The following KLRD1 variants were observed in gnomAD, a reference collection of about 807,000 sequenced individuals.
KLRD1 encodes the protein natural killer cells antigen CD94.
KLRD1 carries 21 observed loss-of-function variants against 22.6 expected under a neutral mutation model. The observed-to-expected ratio is 0.93, with a 90% CI of 0.66 to 1.34. KLRD1 has a LOEUF of 1.34. KLRD1 is among the 40% of genes most tolerant of loss of function. The probability of loss-of-function intolerance (pLI) is 0.00; values close to 1 mark genes in which losing one functional copy is unlikely to be tolerated. For missense variants in KLRD1, 183 were observed against 208.6 expected, an observed-to-expected ratio of 0.88 and a Z score of 0.76; for synonymous variants, 59 against 71.1, an observed-to-expected ratio of 0.83 and a Z score of 0.85.
At chr12:10,303,582 C>A (rs1420970825), upstream of KLRD1, among the ~76,000 whole-genome samples, 3 of 152,076 alleles carry the variant, frequency 2.0e-5, no homozygotes, top group Admixed American at 6.5e-5. Context: ...TACAAAAGGG[C>A]AGCTTTTCAC....
chr12:10,252,553 A>T (rs1429061503), intron 1 of KLRD1, among the ~76,000 whole-genome samples: 1 of 152,114 alleles, frequency 6.6e-6, no homozygotes, highest in Non-Finnish European at 1.5e-5. Flanking sequence ...AGTTATAAGA[A>T]GTTAGTTCTT....
At chr12:10,254,517 A>G (rs915465819) in intron 1 of KLRD1, among the ~76,000 whole-genome samples, 2 of 151,894 alleles carry the variant, frequency 1.3e-5, no homozygotes, top group African/African-American at 4.8e-5. Context: ...TATGCACCTG[A>G]CAAAGGACTA....
rs1303242361 is a variant in KLRD1 at position 10,329,440 on chromosome 12, A to G, written c.*14647A>G. The G allele has an allele frequency of 6.6e-6, 1 of 152,224 alleles. No individual in the cohort carries two copies. The highest frequency in any genetic ancestry group is 1.5e-5 in the Non-Finnish European group (1 of 68,032). 9.4% of individuals were successfully genotyped at this position (152,224 alleles called of 1,614,324 possible). A position where few individuals can be genotyped will look rare whatever the true frequency, so the allele number is the denominator to read the frequency against. On this transcript the variant is annotated 3_prime_UTR_variant, in exon 6 of 6. Coordinates refer to ENST00000336164, the MANE Select transcript of KLRD1 (RefSeq NM_002262.5). Reference sequence around the variant, plus strand: ...CCTAACATATGATCTATCCTGCAGAATGATCCATGTGCACTTGAGAAGAAT... The same window carrying G: ...CCTAACATATGATCTATCCTGCAGAGTGATCCATGTGCACTTGAGAAGAAT...
rs951095784 is a variant in KLRD1, at chr12:10,323,643, G to A, written c.*8850G>A. 6.6e-6 allele frequency: 1 copy of A among 151,814 alleles called. No individual in the cohort carries two copies. The highest frequency in any genetic ancestry group is 2.4e-5 in the African/African-American group (1 of 41,360). The allele number at this position is 151,814 out of a possible 1,614,324, so 9.4% of individuals were successfully genotyped here. A position where few individuals can be genotyped will look rare whatever the true frequency, so the allele number is the denominator to read the frequency against. ...TATAAAACACCTACTAACCTCAAAA[G>A]TATCCTTTCCCCTATGTATAAAATA... On this transcript the variant is annotated 3_prime_UTR_variant, in exon 6 of 6. Coordinates refer to ENST00000336164, the MANE Select transcript of KLRD1 (RefSeq NM_002262.5).
intron 1 of KLRD1, among the ~76,000 whole-genome samples, chr12:10,260,638 T>TA (rs1949444116): frequency 3.0e-5 from 1 of 33,438 alleles, no homozygotes; most frequent in Admixed American, 4.9e-4. Flanking sequence ...CCGTCTCTAC[T>TA]AAAAATACAA....
rs1446987397 is a variant in KLRD1, at chr12:10,324,273, T to G, written c.*9480T>G. The G allele has an allele frequency of 6.6e-6, 1 of 152,210 alleles. No individual in the cohort carries two copies. The highest frequency in any genetic ancestry group is 6.6e-5 in the Admixed American group (1 of 15,262). The allele number at this position is 152,210 out of a possible 1,614,324, so 9.4% of individuals were successfully genotyped here. On this transcript the variant is annotated 3_prime_UTR_variant, in exon 6 of 6. Transcript: ENST00000336164. ...TTTCGTTTTAGGTTCAGGGTATATA[T>G]GTAGGCTTCTTATATGAGTACATTG... is the stretch of plus-strand genomic sequence containing the variant.
chr12:10,254,448 A>C (rs1949374861), intron 1 of KLRD1, among the ~76,000 whole-genome samples: 1 of 151,382 alleles, frequency 6.6e-6, no homozygotes, highest in African/African-American at 2.4e-5. Context: ...AAAAAAAAAA[A>C]AAAACCTATC....
Position 10,328,255 on chromosome 12 carries a change from T to G in KLRD1, c.*13462T>G, listed in dbSNP as rs1334746361. On this transcript the variant is annotated 3_prime_UTR_variant, in exon 6 of 6. Transcript: ENST00000336164. ...GGCCATTAATTTCTCCTTAAATATT[T>G]GGTGGCTTCACCAGAAGAGCCATCT... 1.3e-5 allele frequency: 2 copies of G among 152,168 alleles called. No individual in the cohort carries two copies. The highest frequency in any genetic ancestry group is 2.9e-5 in the Non-Finnish European group (2 of 68,016). 9.4% of individuals were successfully genotyped at this position (152,168 alleles called of 1,614,324 possible). A position where few individuals can be genotyped will look rare whatever the true frequency, so the allele number is the denominator to read the frequency against.
At chr12:10,242,510 A>C (rs987428571) in intron 1 of KLRD1, among the ~76,000 whole-genome samples, 2 of 152,174 alleles carry the variant, frequency 1.3e-5, no homozygotes, top group Non-Finnish European at 2.9e-5. Context: ...GGGAGTGCAG[A>C]TATATCTTCA....
intron 5 of KLRD1, among the ~76,000 whole-genome samples, chr12:10,313,903 G>A (rs554725670): frequency 2.0e-5 from 3 of 152,208 alleles, no homozygotes; most frequent in African/African-American, 7.2e-5. Flanking sequence ...AGCTCTCTTA[G>A]TTCAAATTAA....
intron 1 of KLRD1, among the ~76,000 whole-genome samples, chr12:10,270,536 C>G (rs766460638): frequency 6.6e-6 from 1 of 152,094 alleles, no homozygotes; most frequent in Non-Finnish European, 1.5e-5. Flanking sequence ...AATATTTAAC[C>G]CACTTGAATT....
At chr12:10,279,019 G>C (rs1294011057) in intron 1 of KLRD1, among the ~76,000 whole-genome samples, 1 of 150,092 alleles carries the variant, frequency 6.7e-6, no homozygotes, top group Non-Finnish European at 1.5e-5. Context: ...AGGTTTAGGG[G>C]GTACCTGTGG....
intron 1 of KLRD1, among the ~76,000 whole-genome samples, chr12:10,276,236 ATTTC>A (rs1949590836): frequency 6.6e-6 from 1 of 151,996 alleles, no homozygotes; most frequent in South Asian, 2.1e-4. Flanking sequence ...TGTTCTCTGT[ATTTC>A]TTAAATTATC....
chr12:10,267,832 C>T (rs917265457), intron 1 of KLRD1, among the ~76,000 whole-genome samples: 1 of 152,100 alleles, frequency 6.6e-6, no homozygotes. Context: ...TACAGTTATC[C>T]TTGTTTGCAC....
In KLRD1 at chr12:10,313,582, T is replaced by C. The variant is rs539201654; in HGVS notation, c.419+69T>C. The C allele has an allele frequency of 3.5e-6, 3 of 849,226 alleles. No individual in the cohort carries two copies. The South Asian group carries it at 5.3e-5, about 15-fold the overall frequency. 52.6% of individuals were successfully genotyped at this position (849,226 alleles called of 1,614,324 possible). A position where few individuals can be genotyped will look rare whatever the true frequency, so the allele number is the denominator to read the frequency against. Reference sequence around the variant, plus strand: ...TGTCCTTAAATGTGACTAGTAAAGGTAACATCCAGGAGCACTGTGGCTGAA... The same window carrying C: ...TGTCCTTAAATGTGACTAGTAAAGGCAACATCCAGGAGCACTGTGGCTGAA... On this transcript the variant is annotated intron_variant, in intron 5 of 5. Coordinates refer to ENST00000336164, the MANE Select transcript of KLRD1 (RefSeq NM_002262.5).
Position 10,314,723 on chromosome 12 carries a change from C to T in KLRD1, c.470C>T (p.Pro157Leu). The T allele has an allele frequency of 6.3e-7, 1 of 1,596,168 alleles. No individual in the cohort carries two copies. Among genetic ancestry groups the T allele is most frequent in the Non-Finnish European group, 8.5e-7 (1 of 1,170,082 alleles). ...ACAAAGAACTGCATAGCGTATAATC[C>T]AAATGGAAATGCTTTAGATGAATCC... ...FNTKNCIAYN[P>L]NGNALDESCE... The change falls in exon 6 of 6, where the codon CCA becomes CTA. Residue 157 changes from proline to leucine, a missense_variant. By Grantham distance (98) the Pro-to-Leu change is moderately conservative (BLOSUM62 -3). Transcript: ENST00000336164.
chr12:10,254,221 G>A (rs1045138717), intron 1 of KLRD1, among the ~76,000 whole-genome samples: 2 of 151,938 alleles, frequency 1.3e-5, no homozygotes, highest in Non-Finnish European at 2.9e-5. Context: ...GAGGTCAGGA[G>A]CTCGAGACCA....
At chr12:10,248,368 G>A (rs1254033017) in intron 1 of KLRD1, among the ~76,000 whole-genome samples, 5 of 152,084 alleles carry the variant, frequency 3.3e-5, no homozygotes, top group African/African-American at 1.2e-4. Context: ...AATGGTACAT[G>A]ACTATTGTTC....
At chr12:10,301,369 G>A (rs555458463), upstream of KLRD1, among the ~76,000 whole-genome samples, 9 of 152,202 alleles carry the variant, frequency 5.9e-5, no homozygotes, top group Middle Eastern at 0.01. Context: ...TGGAGGGCCC[G>A]GTGAGAAACT....
Sources: gnomAD v4.1 joint callset for allele counts (sites outside exome capture counted in the v4.1 genomes callset) on GRCh38, gnomAD v4.1.1 for gene constraint, MANE v1.5 for transcripts, NCBI Gene and HGNC (gene_info 2026-07-23, HGNC 2026-07-21) for gene names.